Variants in SHISA6 observed in about 807,000 individuals in gnomAD.
SHISA6 encodes protein shisa-6.
In SHISA6, 22 loss-of-function variants were observed where a neutral mutation model predicts 47.9. The ratio of observed to expected loss-of-function variants is 0.46; its 90% CI spans 0.33 to 0.66. SHISA6 has a LOEUF of 0.66. SHISA6 is among the 30% of genes least tolerant of loss of function. SHISA6 has a pLI of 0.02. For missense variants in SHISA6, 680 were observed against 764.6 expected (o/e 0.89, Z 1.30); for synonymous variants, 388 against 337.8 (o/e 1.15, Z -1.63).
chr17:11,545,374 G>A (rs148209454), intron 3 of SHISA6, among the ~76,000 whole-genome samples: 266 of 152,234 alleles, frequency 1.7e-3, no homozygotes, highest in African/African-American at 5.3e-3. Context: ...TTGGTTGCCA[G>A]GCATTAAGGA....
At chr17:11,324,817 T>C (rs1910822226) in intron 2 of SHISA6, among the ~76,000 whole-genome samples, 1 of 152,150 alleles carries the variant, frequency 6.6e-6, no homozygotes, top group African/African-American at 2.4e-5. Context: ...GTCTTCTTAG[T>C]GCACAATTAG....
At chr17:11,359,175 T>C (rs1418448418) in intron 2 of SHISA6, among the ~76,000 whole-genome samples, 1 of 152,234 alleles carries the variant, frequency 6.6e-6, no homozygotes, top group Non-Finnish European at 1.5e-5. Context: ...GTCCTCTTTT[T>C]TGTTGCTTGC....
intron 3 of SHISA6, among the ~76,000 whole-genome samples, chr17:11,487,121 T>G (rs1238130025): frequency 6.6e-6 from 1 of 152,182 alleles, no homozygotes; most frequent in Non-Finnish European, 1.5e-5. Flanking sequence ...TACTAGCCCC[T>G]GATCTAGAGG....
chr17:11,262,887 A>G (rs144696671), intron 1 of SHISA6, among the ~76,000 whole-genome samples: 1 of 152,202 alleles, frequency 6.6e-6, no homozygotes, highest in Non-Finnish European at 1.5e-5. Flanking sequence ...TGATAGCAGG[A>G]GCTGTGTGTT....
chr17:11,483,131 G>A (rs1392580884), intron 3 of SHISA6, among the ~76,000 whole-genome samples: 1 of 151,802 alleles, frequency 6.6e-6, no homozygotes, highest in Non-Finnish European at 1.5e-5. Flanking sequence ...GAGAAACCCC[G>A]TCTCTACTAA....
chr17:11,476,342 G>C (rs549168093), intron 3 of SHISA6, among the ~76,000 whole-genome samples: 1 of 151,478 alleles, frequency 6.6e-6, no homozygotes, highest in East Asian at 1.9e-4. Flanking sequence ...GAGTTAATTT[G>C]CTCTTCTTTA....
At chr17:11,486,700 A>C (rs910673120) in intron 3 of SHISA6, among the ~76,000 whole-genome samples, 2 of 152,190 alleles carry the variant, frequency 1.3e-5, no homozygotes, top group African/African-American at 4.8e-5. Context: ...GTCATCCTTC[A>C]TCTTTCCTGC....
intron 3 of SHISA6, among the ~76,000 whole-genome samples, chr17:11,509,742 G>A (rs748969878): frequency 9.2e-5 from 14 of 152,188 alleles, no homozygotes; most frequent in African/African-American, 2.2e-4. Flanking sequence ...TGAGTTGGGC[G>A]GCAGTGTCCC....
chr17:11,282,566 A>G (rs1279668166), intron 2 of SHISA6, among the ~76,000 whole-genome samples: 1 of 152,156 alleles, frequency 6.6e-6, no homozygotes, highest in Non-Finnish European at 1.5e-5. Context: ...ACCTGCCGAC[A>G]GGCCCCAGTG....
At position 11,419,236 on chromosome 17, in the gene SHISA6, GA is replaced by G. The variant is rs1451164124; in HGVS notation, c.895+39733del. Reference sequence around the variant, plus strand: ...TATAATAATAATAAAATTTAAAAAAGAAAAAAGAAAAAAAGAAAACAAAGCA... The same window carrying G: ...TATAATAATAATAAAATTTAAAAAAGAAAAAGAAAAAAAGAAAACAAAGCA... On this transcript the variant is annotated intron_variant, in intron 3 of 5. Coordinates refer to ENST00000441885, the MANE Select transcript of SHISA6 (RefSeq NM_207386.4). 4.8e-5 allele frequency among the ~76,000 whole-genome samples: 7 copies of G among 144,938 alleles called. No homozygotes were observed. The East Asian group carries it at 1.4e-3, about 28-fold the overall frequency.
intron 3 of SHISA6, chr17:11,380,104 A>G (rs1256245635): frequency 6.6e-6 from 1 of 152,392 alleles, no homozygotes; most frequent in Non-Finnish European, 1.5e-5. Flanking sequence ...TGCAGGGGGC[A>G]TGGACTCCTC....
intron 2 of SHISA6, among the ~76,000 whole-genome samples, chr17:11,273,498 T>C (rs998709243): frequency 1.3e-5 from 2 of 152,336 alleles, no homozygotes; most frequent in Admixed American, 6.5e-5. Flanking sequence ...CCGTGATGAT[T>C]TTAAGCAAAG....
Position 11,375,407 on chromosome 17 carries a change from T to C in SHISA6, c.800-4007T>C, listed in dbSNP as rs530106529. On this transcript the variant is annotated intron_variant, in intron 2 of 5. Transcript: ENST00000441885. ...ACTCTCCTTTATCAGCTTCCTTGTG[T>C]ATCCGTTCTCTAGTCCAGATCTGCA... Among the ~76,000 whole-genome samples the C allele has an allele frequency of 1.1e-4, 17 of 152,304 alleles. 1 individual carries two copies. The South Asian group carries it at 3.3e-3, about 30-fold the overall frequency.
chr17:11,383,208 G>T (rs916442927), intron 3 of SHISA6, among the ~76,000 whole-genome samples: 2 of 152,020 alleles, frequency 1.3e-5, no homozygotes, highest in African/African-American at 4.8e-5. Context: ...AAAGTGCTAG[G>T]ATTACAGGCA....
At chr17:11,331,138 A>T (rs1911093638) in intron 2 of SHISA6, among the ~76,000 whole-genome samples, 1 of 152,186 alleles carries the variant, frequency 6.6e-6, no homozygotes, top group South Asian at 2.1e-4. Context: ...CGGCCTCTCC[A>T]CGGGATGTGG....
intron 2 of SHISA6, among the ~76,000 whole-genome samples, chr17:11,350,876 A>G (rs934273762): frequency 3.3e-5 from 5 of 152,198 alleles, no homozygotes; most frequent in Non-Finnish European, 7.3e-5. Context: ...ACAATAGCGA[A>G]GACTTGGAAC....
intron 3 of SHISA6, among the ~76,000 whole-genome samples, chr17:11,492,297 T>C (rs184616353): frequency 3.6e-4 from 55 of 152,206 alleles, no homozygotes; most frequent in African/African-American, 1.3e-3. Flanking sequence ...ATAGCATCAG[T>C]AGTTACAACA....
At chr17:11,534,153 TTTTC>T (rs2071764484) in intron 3 of SHISA6, among the ~76,000 whole-genome samples, 1 of 96,392 alleles carries the variant, frequency 1.0e-5, no homozygotes, top group Non-Finnish European at 2.0e-5. Context: ...CTAATCTTTT[TTTTC>T]TTTTTTTTTT....
At chr17:11,399,105 A>G (rs1216193768) in intron 3 of SHISA6, among the ~76,000 whole-genome samples, 1 of 152,210 alleles carries the variant, frequency 6.6e-6, no homozygotes, top group Non-Finnish European at 1.5e-5. Context: ...AGACACAGCT[A>G]GGAATAACAG....
Sources: gnomAD v4.1 joint callset for allele counts (sites outside exome capture counted in the v4.1 genomes callset) on GRCh38, gnomAD v4.1.1 for gene constraint, MANE v1.5 for transcripts, NCBI Gene and HGNC (gene_info 2026-07-23, HGNC 2026-07-21) for gene names.